The following ANXA2 variants were observed in gnomAD, a reference collection of about 807,000 sequenced individuals.
The protein encoded by ANXA2 is annexin A2.
A neutral mutation model predicts 47.3 loss-of-function variants in ANXA2; 28 were observed. That is an observed-to-expected ratio of 0.59 (90% CI 0.44 to 0.81). ANXA2 has a LOEUF of 0.81. Among genes scored for constraint, ANXA2 ranks in the 40% least tolerant of loss-of-function variants. The pLI, the probability that ANXA2 is intolerant of heterozygous loss-of-function variation, is 0.00. For missense variants in ANXA2, 384 were observed against 414.3 expected (o/e 0.93, Z 0.64); for synonymous variants, 172 against 155.5 (o/e 1.11, Z -0.79).
intron 2 of ANXA2, chr15:60,384,290 T>C (rs1202709767): frequency 6.6e-6 from 1 of 152,244 alleles, no homozygotes; most frequent in Non-Finnish European, 1.5e-5. Context: ...TGACTGCATT[T>C]ACCAGGAGAT....
chr15:60,361,394 G>A (rs777606984), intron 4 of ANXA2: 2 of 228,514 alleles, frequency 8.8e-6, no homozygotes, highest in Non-Finnish European at 1.8e-5. Context: ...TCCGTGGAAG[G>A]CAGGACGCTT....
At chr15:60,391,964 G>A (rs2063017597) in intron 1 of ANXA2, among the ~76,000 whole-genome samples, 1 of 151,716 alleles carries the variant, frequency 6.6e-6, no homozygotes, top group Non-Finnish European at 1.5e-5. Flanking sequence ...TCAGTGCCGT[G>A]CCTTCCATTC....
Position 60,347,227 on chromosome 15 carries a change from C to T in ANXA2, c.*403G>A, listed in dbSNP as rs1289389407. The T allele has an allele frequency of 4.4e-6, 1 of 226,290 alleles. No individual in the cohort carries two copies. The highest frequency in any genetic ancestry group is 8.8e-6 in the Non-Finnish European group (1 of 113,846). 14.0% of individuals were successfully genotyped at this position (226,290 alleles called of 1,614,324 possible). A position where few individuals can be genotyped will look rare whatever the true frequency, so the allele number is the denominator to read the frequency against. On this transcript the variant is annotated 3_prime_UTR_variant, in exon 13 of 13. Transcript: ENST00000451270. ...GGATAGGGGCAACCATACTGTACAG[C>T]TCAGTCCCAGAGCTTTCTTCCTACA...
At chr15:60,393,540 G>C (rs958879452) in intron 1 of ANXA2, 2 of 986,186 alleles carry the variant, frequency 2.0e-6, no homozygotes, top group African/African-American at 1.7e-5. Context: ...ATGCATACAC[G>C]CATCCTGCAC....
intron 4 of ANXA2, among the ~76,000 whole-genome samples, chr15:60,361,905 G>A (rs185162057): frequency 1.0e-3 from 157 of 149,742 alleles, no homozygotes; most frequent in South Asian, 1.1e-3. Flanking sequence ...TCTTCTTTTC[G>A]CTTTTTTTTT....
intron 6 of ANXA2, among the ~76,000 whole-genome samples, chr15:60,356,642 A>T (rs1305889761): frequency 6.6e-6 from 1 of 152,210 alleles, no homozygotes; most frequent in East Asian, 1.9e-4. Flanking sequence ...CTATGATAAT[A>T]ACTTTAAAAA....
chr15:60,371,150 G>A (rs192413703), intron 3 of ANXA2, among the ~76,000 whole-genome samples: 1 of 152,276 alleles, frequency 6.6e-6, no homozygotes, highest in East Asian at 1.9e-4. Flanking sequence ...GCATTTACTC[G>A]TTGAACGAAA....
At position 60,397,929 on chromosome 15, in the gene ANXA2, C is replaced by A; in HGVS notation, c.-12+14G>T. 7.6e-7 allele frequency: 1 copy of A among 1,322,582 alleles called. No individual in the cohort carries two copies. Among genetic ancestry groups the A allele is most frequent in the Non-Finnish European group, 9.7e-7 (1 of 1,035,430 alleles). The allele number at this position is 1,322,582 out of a possible 1,614,324, so 81.9% of individuals were successfully genotyped here. On this transcript the variant is annotated intron_variant, in intron 1 of 12. Coordinates refer to ENST00000451270, the MANE Select transcript of ANXA2 (RefSeq NM_004039.3). Reference sequence around the variant, plus strand: ...GGCGGCCCATCGCGGGCGGGCAGGGCGCGCCCCGCTTACCTGGGCCGTGCG... The same window carrying A: ...GGCGGCCCATCGCGGGCGGGCAGGGAGCGCCCCGCTTACCTGGGCCGTGCG...
intron 7 of ANXA2, 144 bp from the exon 8 acceptor site, chr15:60,354,357 TG>T: frequency 1.4e-6 from 1 of 724,026 alleles, no homozygotes; most frequent in Non-Finnish European, 2.2e-6. Flanking sequence ...GAAACATAGA[TG>T]GGGCCGGGCA....
At chr15:60,377,522 C>T (rs2062797367) in intron 3 of ANXA2, among the ~76,000 whole-genome samples, 1 of 152,084 alleles carries the variant, frequency 6.6e-6, no homozygotes. Flanking sequence ...AGCAATAATG[C>T]AAGTCACACA....
intron 3 of ANXA2, among the ~76,000 whole-genome samples, chr15:60,367,677 CCG>C (rs2062650310): frequency 1.1e-5 from 1 of 87,680 alleles, no homozygotes; most frequent in Non-Finnish European, 2.2e-5. Flanking sequence ...GCCGCCCCGT[CCG>C]GGAGGGTGGT....
At chr15:60,394,200 C>T (rs1296107657) in intron 1 of ANXA2, among the ~76,000 whole-genome samples, 1 of 152,170 alleles carries the variant, frequency 6.6e-6, no homozygotes, top group Non-Finnish European at 1.5e-5. Context: ...AGCAAAGAGG[C>T]AGGATGTACG....
At chr15:60,378,691 T>C in intron 3 of ANXA2, among the ~76,000 whole-genome samples, 1 of 152,172 alleles carries the variant, frequency 6.6e-6, no homozygotes, top group East Asian at 1.9e-4. Context: ...GTAGGCTGGG[T>C]GCGGTGTCTC....
Position 60,349,325 on chromosome 15 carries a change from GT to G in ANXA2, c.838-129del, listed in dbSNP as rs1459148118. 1.1e-5 allele frequency: 10 copies of G among 921,658 alleles called. No individual in the cohort carries two copies. In the East Asian group the frequency reaches 2.7e-4, roughly 24 times the overall value. 57.1% of individuals were successfully genotyped at this position (921,658 alleles called of 1,614,324 possible). Reference sequence around the variant, plus strand: ...TGCTCCAAAATCCAAAACTTTTTCAGTGCCGACATGATGCCACAATGAAAAA... The same window carrying G: ...TGCTCCAAAATCCAAAACTTTTTCAGGCCGACATGATGCCACAATGAAAAA... On this transcript the variant is annotated intron_variant, in intron 11 of 12. Coordinates refer to ENST00000451270, the MANE Select transcript of ANXA2 (RefSeq NM_004039.3).
At chr15:60,391,690 T>C (rs2063013226) in intron 1 of ANXA2, among the ~76,000 whole-genome samples, 1 of 152,076 alleles carries the variant, frequency 6.6e-6, no homozygotes, top group African/African-American at 2.4e-5. Context: ...TGAATGAAAA[T>C]AAAAAATAAA....
chr15:60,347,644 C>G lies in ANXA2; in HGVS notation c.1006G>C (p.Gly336Arg), dbSNP rs756247981. The change falls in exon 13 of 13, where the codon GGT (glycine) becomes CGT (arginine). Residue 336 changes from glycine to arginine, a missense_variant. Physicochemically the swap from Gly to Arg is moderately radical, Grantham distance 125. Transcript: ENST00000451270. ...CGTGTCGGGCTTCAGTCATCTCCAC[C>G]ACACAGGTACAGCAGCGCTTTCTGG... is the stretch of plus-strand genomic sequence containing the variant. The part of the protein sequence containing the change: ...DYQKALLYLC[G>R]GDD 3.7e-6 allele frequency: 6 copies of G among 1,614,190 alleles called. No homozygotes were observed. The highest frequency in any genetic ancestry group is 5.1e-6 in the Non-Finnish European group (6 of 1,180,034).
intron 3 of ANXA2, among the ~76,000 whole-genome samples, chr15:60,371,002 A>T (rs889101673): frequency 6.6e-6 from 1 of 152,250 alleles, no homozygotes; most frequent in African/African-American, 2.4e-5. Flanking sequence ...GGGTGAGAAC[A>T]TGAATTCTGT....
At chr15:60,357,107 T>C in intron 6 of ANXA2, 39 bp downstream of exon 6, 1 of 1,584,748 alleles carries the variant, frequency 6.3e-7, no homozygotes, top group Non-Finnish European at 8.7e-7. Flanking sequence ...TCACATAAAT[T>C]GGGCTGAGAG....
chr15:60,397,381 T>TG (rs974417416), intron 1 of ANXA2: 9 of 947,680 alleles, frequency 9.5e-6, no homozygotes, highest in African/African-American at 5.3e-5. Flanking sequence ...TCTTCTTTTA[T>TG]GGGGGGCTGA....
Sources: gnomAD v4.1 joint callset for allele counts (sites outside exome capture counted in the v4.1 genomes callset) on GRCh38, gnomAD v4.1.1 for gene constraint, MANE v1.5 for transcripts, NCBI Gene and HGNC (gene_info 2026-07-23, HGNC 2026-07-21) for gene names.